CHST8: variants seen among roughly 807,000 people sequenced by gnomAD.
CHST8 encodes the protein GALNAC-4-ST1.
In CHST8, 10 loss-of-function variants were observed where a neutral mutation model predicts 15.0. That is an observed-to-expected ratio of 0.67 (90% confidence interval 0.41 to 1.13). CHST8 has a LOEUF of 1.13. Ranked by LOEUF, CHST8 falls within the 50% of genes most tolerant of loss-of-function variation. The pLI is 0.00. For synonymous variants in CHST8, 259 were observed against 256.6 expected, an observed-to-expected ratio of 1.01 and a Z score of -0.09; for missense variants, 634 against 608.2, an observed-to-expected ratio of 1.04 and a Z score of -0.45.
rs528091408 is a variant in CHST8 at position 33,760,202 on chromosome 19, G to A, written c.131-11211G>A. ...TTGAGACTCTCCTGGGCCTTAGGAG[G>A]TAAGGTCTAGTGTCTTTGCATGGCT... is the stretch of plus-strand genomic sequence containing the variant. On this transcript the variant is annotated intron_variant, in intron 3 of 4. Transcript: ENST00000650847. Among the ~76,000 whole-genome samples the A allele has an allele frequency of 1.2e-3, 130 of 107,168 alleles. 1 individual carries two copies. Among genetic ancestry groups the A allele is most frequent in the African/African-American group, 4.4e-3 (124 of 27,972 alleles). The allele number at this position is 107,168 out of a possible 152,430, so 70.3% of individuals were successfully genotyped here.
chr19:33,749,581 G>A lies in CHST8; in HGVS notation c.131-21832G>A, dbSNP rs570275138. 1.2e-4 allele frequency among the ~76,000 whole-genome samples: 18 copies of A among 152,174 alleles called. No homozygotes were observed. In the South Asian group the frequency reaches 1.9e-3, roughly 16 times the overall value. Reference sequence around the variant, plus strand: ...AACCCCATCACAGATGAAGACAGCGGTGATGAGGCACAGGGCAGGGTCAGG... The same window carrying A: ...AACCCCATCACAGATGAAGACAGCGATGATGAGGCACAGGGCAGGGTCAGG... On this transcript the variant is annotated intron_variant, in intron 3 of 4. Coordinates refer to ENST00000650847, the MANE Select transcript of CHST8 (RefSeq NM_001127895.2).
At chr19:33,661,682 G>C (rs975174009) in intron 1 of CHST8, among the ~76,000 whole-genome samples, 6 of 152,158 alleles carry the variant, frequency 3.9e-5, no homozygotes, top group African/African-American at 1.4e-4. Context: ...CCCTGAATGG[G>C]CAGAGGAGCT....
intron 3 of CHST8, among the ~76,000 whole-genome samples, chr19:33,705,626 G>A (rs2145285496): frequency 6.6e-6 from 1 of 152,296 alleles, no homozygotes; most frequent in East Asian, 1.9e-4. Flanking sequence ...GTGCCCGTGG[G>A]TGTAAATGGA....
At chr19:33,746,102 A>G (rs544406668) in intron 3 of CHST8, among the ~76,000 whole-genome samples, 1 of 152,336 alleles carries the variant, frequency 6.6e-6, no homozygotes, top group East Asian at 1.9e-4. Flanking sequence ...TTTTCCTTCC[A>G]AGTGTTGCCA....
chr19:33,708,471 C>T (rs941008032), intron 3 of CHST8, among the ~76,000 whole-genome samples: 2 of 152,202 alleles, frequency 1.3e-5, no homozygotes, highest in East Asian at 3.8e-4. Context: ...GTTCCCAGCA[C>T]GTGCTGAAGA....
rs1467762304 is a variant in CHST8 at position 33,757,500 on chromosome 19, A to G, written c.131-13913A>G. 1.0e-3 allele frequency among the ~76,000 whole-genome samples: 51 copies of G among 50,942 alleles called. 8 individuals carry two copies. The highest frequency in any genetic ancestry group is 1.4e-3 in the Admixed American group (7 of 4,848). 33.4% of individuals were successfully genotyped at this position (50,942 alleles called of 152,430 possible). A position where few individuals can be genotyped will look rare whatever the true frequency, so the allele number is the denominator to read the frequency against. ...AAAGAAAGAAAGAAAGAAAGAAAGA[A>G]AGAAAGAAAGAAAGAAAGAAAGAGA... On this transcript the variant is annotated intron_variant, in intron 3 of 4. Transcript: ENST00000650847.
intron 3 of CHST8, among the ~76,000 whole-genome samples, chr19:33,724,841 G>C (rs1973864093): frequency 6.6e-6 from 1 of 152,210 alleles, no homozygotes; most frequent in Non-Finnish European, 1.5e-5. Flanking sequence ...GGCACTGACA[G>C]AGCCTGCTCC....
At chr19:33,751,531 C>A (rs779010500) in intron 3 of CHST8, among the ~76,000 whole-genome samples, 30 of 152,332 alleles carry the variant, frequency 2.0e-4, no homozygotes, top group Non-Finnish European at 3.5e-4. Context: ...AAGGCCAAGA[C>A]CCTGGCAGCT....
chr19:33,703,053 A>G (rs1305970327), intron 3 of CHST8, among the ~76,000 whole-genome samples: 1 of 152,188 alleles, frequency 6.6e-6, no homozygotes, highest in East Asian at 1.9e-4. Flanking sequence ...GTCACCTGGC[A>G]TCAGAGCCAA....
intron 3 of CHST8, among the ~76,000 whole-genome samples, chr19:33,740,322 G>C (rs1294876673): frequency 2.0e-5 from 3 of 152,186 alleles, no homozygotes; most frequent in Non-Finnish European, 4.4e-5. Flanking sequence ...GTGGGCATCG[G>C]TTTGCAGAAC....
In CHST8 at chr19:33,689,161, T is replaced by C. The variant is rs1037237944; in HGVS notation, c.-86-15T>C. On this transcript the variant is annotated splice_polypyrimidine_tract_variant and intron_variant, in intron 2 of 4. Coordinates refer to ENST00000650847, the MANE Select transcript of CHST8 (RefSeq NM_001127895.2). Reference sequence around the variant, plus strand: ...CTCGCGCCTCGGTGATGACTATCCCTCCTCTGCCCCGTAGATCTCGGCCTG... The same window carrying C: ...CTCGCGCCTCGGTGATGACTATCCCCCCTCTGCCCCGTAGATCTCGGCCTG... The C allele has an allele frequency of 7.2e-7, 1 of 1,392,298 alleles. No homozygotes were observed. The highest frequency in any genetic ancestry group is 9.4e-7 in the Non-Finnish European group (1 of 1,060,092). 86.2% of individuals were successfully genotyped at this position (1,392,298 alleles called of 1,614,324 possible).
chr19:33,622,731 G>A (rs1303849211), intron 1 of CHST8, among the ~76,000 whole-genome samples: 1 of 152,146 alleles, frequency 6.6e-6, no homozygotes, highest in Non-Finnish European at 1.5e-5. Context: ...CGGGGCTCCG[G>A]ACGGGTTGCG....
chr19:33,748,635 G>A (rs1974356970), intron 3 of CHST8, among the ~76,000 whole-genome samples: 1 of 152,206 alleles, frequency 6.6e-6, no homozygotes, highest in Admixed American at 6.5e-5. Flanking sequence ...CCTTCAGCAA[G>A]CCCACAGGCC....
At chr19:33,703,740 AG>A (rs1224366429) in intron 3 of CHST8, among the ~76,000 whole-genome samples, 1 of 152,268 alleles carries the variant, frequency 6.6e-6, no homozygotes, top group African/African-American at 2.4e-5. Flanking sequence ...AAGCCAAAAA[AG>A]CTTCACCATT....
At chr19:33,629,249 C>G (rs1402390996) in intron 1 of CHST8, among the ~76,000 whole-genome samples, 2 of 152,202 alleles carry the variant, frequency 1.3e-5, no homozygotes, top group Non-Finnish European at 2.9e-5. Flanking sequence ...CAGTGGTGGT[C>G]TCCATGTGTG....
In CHST8 at chr19:33,672,486, C is replaced by T. The variant is rs189055336; in HGVS notation, c.-87+4643C>T. Reference sequence around the variant, plus strand: ...AGTGCTGGGATTACAGGTGTGAGCCCCTGTGCCTGGCCCCCATCAAAAGTA... The same window carrying T: ...AGTGCTGGGATTACAGGTGTGAGCCTCTGTGCCTGGCCCCCATCAAAAGTA... On this transcript the variant is annotated intron_variant, in intron 2 of 4. Transcript: ENST00000650847. Among the ~76,000 whole-genome samples, 76 of 152,154 alleles carry T rather than the reference C, an allele frequency of 5.0e-4. 1 individual carries two copies. The highest frequency in any genetic ancestry group is 3.4e-3 in the Middle Eastern group (1 of 294).
At chr19:33,642,029 T>C (rs1048811102) in intron 1 of CHST8, among the ~76,000 whole-genome samples, 1 of 152,206 alleles carries the variant, frequency 6.6e-6, no homozygotes, top group Non-Finnish European at 1.5e-5. Flanking sequence ...GATTTCCGCC[T>C]GGAGGATGAG....
chr19:33,658,687 TTTTTCTC>T (rs1182023561), intron 1 of CHST8, among the ~76,000 whole-genome samples: 1 of 152,166 alleles, frequency 6.6e-6, no homozygotes, highest in Admixed American at 6.5e-5. Flanking sequence ...AACTTTGAGG[TTTTTCTC>T]TTTGTTTTGA....
chr19:33,626,783 C>CTTT (rs373066494), intron 1 of CHST8, among the ~76,000 whole-genome samples: 37 of 133,484 alleles, frequency 2.8e-4, no homozygotes, highest in Non-Finnish European at 3.6e-4. Flanking sequence ...TTTTTTTTTC[C>CTTT]TTTTTTTTTT....
Sources: gnomAD v4.1 joint callset for allele counts (sites outside exome capture counted in the v4.1 genomes callset) on GRCh38, gnomAD v4.1.1 for gene constraint, MANE v1.5 for transcripts, NCBI Gene and HGNC (gene_info 2026-07-23, HGNC 2026-07-21) for gene names.